SRD5A3: variants seen among roughly 807,000 people sequenced by gnomAD.
SRD5A3 encodes the protein polyprenal reductase.
SRD5A3 carries 24 observed loss-of-function variants against 34.3 expected under a neutral mutation model. That is an observed-to-expected ratio of 0.70 (90% CI 0.51 to 0.99). SRD5A3 has a LOEUF of 0.99. SRD5A3 is among the 50% of genes least tolerant of loss of function. SRD5A3 has a pLI of 0.00. For synonymous variants in SRD5A3, 161 were observed against 167.3 expected (o/e 0.96, Z 0.29); for missense variants, 350 against 388.2 (o/e 0.90, Z 0.83).
chr4:55,362,554 G>A (rs568099788), intron 2 of SRD5A3, among the ~76,000 whole-genome samples: 12 of 151,714 alleles, frequency 7.9e-5, no homozygotes, highest in African/African-American at 2.4e-4. Context: ...TCCTGGGCTC[G>A]AGCAGTCCTC....
At chr4:55,362,483 C>T (rs1263556993) in intron 2 of SRD5A3, among the ~76,000 whole-genome samples, 2 of 151,964 alleles carry the variant, frequency 1.3e-5, no homozygotes, top group African/African-American at 4.8e-5. Context: ...GAGAGAGGGT[C>T]TCACTCTGTT....
At chr4:55,357,852 A>G (rs1196243522) in intron 1 of SRD5A3, among the ~76,000 whole-genome samples, 1 of 152,216 alleles carries the variant, frequency 6.6e-6, no homozygotes, top group Non-Finnish European at 1.5e-5. Context: ...GATTACAGGC[A>G]TGCATCACCA....
intron 2 of SRD5A3, 117 bp from the exon 3 acceptor site, chr4:55,363,957 C>T (rs748559940): frequency 6.0e-5 from 64 of 1,074,748 alleles, no homozygotes; most frequent in Non-Finnish European, 8.4e-5. Context: ...TTCTTCCTTA[C>T]TACCAAAAAG....
chr4:55,360,053 A>G (rs1719619942), intron 2 of SRD5A3, among the ~76,000 whole-genome samples: 2 of 151,978 alleles, frequency 1.3e-5, no homozygotes, highest in African/African-American at 2.4e-5. Context: ...TCTACTAAAA[A>G]TACAAAAAAA....
rs75810451 is a variant in SRD5A3 at position 55,367,947 on chromosome 4, G to A, written c.697+225G>A. On this transcript the variant is annotated intron_variant, in intron 4 of 4. Transcript: ENST00000264228. ...TAGCCCTGACATTCTGTGATTCTAC[G>A]TTTTGTGTCTGATCAGCATGTGAGA... 0.024 allele frequency among the ~76,000 whole-genome samples: 3,617 copies of A among 152,196 alleles called. 125 individuals are homozygous for A. The highest frequency in any genetic ancestry group is 0.082 in the African/African-American group (3,394 of 41,508).
chr4:55,356,000 A>ATTTTTTTTTTTTTTTTTTTTTTTT (rs10648522), intron 1 of SRD5A3, among the ~76,000 whole-genome samples: 6 of 74,264 alleles, frequency 8.1e-5, no homozygotes, highest in African/African-American at 1.1e-4. Context: ...TTTTGCCTCC[A>ATTTTTTTTTTTTTTTTTTTTTTTT]TTTTTTTTTT....
Position 55,370,163 on chromosome 4 carries a change from CA to C in SRD5A3, c.*75del. On this transcript the variant is annotated 3_prime_UTR_variant, in exon 5 of 5. Coordinates refer to ENST00000264228, the MANE Select transcript of SRD5A3 (RefSeq NM_024592.5). Reference sequence around the variant, plus strand: ...CCTAAGGACAGTGAAGTCTGGAGCCCAAAGTACAGTTTCAGCAAAGCTGTTT... The same window carrying C: ...CCTAAGGACAGTGAAGTCTGGAGCCCAAGTACAGTTTCAGCAAAGCTGTTT... 20 of 1,585,470 alleles carry C rather than the reference CA, an allele frequency of 1.3e-5. No homozygotes were observed. Among genetic ancestry groups the C allele is most frequent in the Non-Finnish European group, 1.7e-5 (20 of 1,161,682 alleles).
intron 1 of SRD5A3, among the ~76,000 whole-genome samples, chr4:55,355,079 A>T (rs924373407): frequency 2.6e-5 from 4 of 152,246 alleles, no homozygotes; most frequent in Non-Finnish European, 5.9e-5. Context: ...TCCAAAACAG[A>T]ACGCAGTGAA....
At chr4:55,352,800 C>T (rs1719246864) in intron 1 of SRD5A3, among the ~76,000 whole-genome samples, 1 of 152,168 alleles carries the variant, frequency 6.6e-6, no homozygotes, top group South Asian at 2.1e-4. Context: ...GGAAGGCAGA[C>T]AGTAACATGT....
Position 55,356,000 on chromosome 4 carries a change from A to ATTTTTTTTTTT in SRD5A3, c.222-3330_222-3320dup, listed in dbSNP as rs10648522. On this transcript the variant is annotated intron_variant, in intron 1 of 4. Coordinates refer to ENST00000264228, the MANE Select transcript of SRD5A3 (RefSeq NM_024592.5). ...ATGACCAATGCTTTCTTTTGCCTCCATTTTTTTTTTTTTTTTTTTTTTTTT... is the reference window on the plus strand; with the variant it reads ...ATGACCAATGCTTTCTTTTGCCTCCATTTTTTTTTTTTTTTTTTTTTTTTTTTTTTTTTTTT... 8.5e-3 allele frequency among the ~76,000 whole-genome samples: 631 copies of ATTTTTTTTTTT among 74,300 alleles called. 92 individuals carry two copies. The highest frequency in any genetic ancestry group is 0.017 in the South Asian group (25 of 1,504). The allele number at this position is 74,300 out of a possible 152,430, so 48.7% of individuals were successfully genotyped here.
In SRD5A3 at chr4:55,367,593, A is replaced by G. The variant is rs780320318; in HGVS notation, c.568A>G (p.Ile190Val). 4.3e-6 allele frequency: 7 copies of G among 1,614,096 alleles called. No individual in the cohort carries two copies. In the Middle Eastern group the frequency reaches 4.9e-4, roughly 114 times the overall value. ...AACAATTCTCATTCCTATAGCCTAC[A>G]TAACAGGGAAAAATCTATTGATGCA... ...QVPMDGRNAY[I>V]TGKNLLMQAR... Residue 190 changes from isoleucine (I) to valine (V), a missense_variant, in exon 4 of 5, where the codon ATA becomes GTA. Physicochemically the swap from Ile to Val is conservative, Grantham distance 29 (BLOSUM62 3). This residue lies in a region of SRD5A3 where 186 missense variants were observed against 221.4 expected (regional missense o/e 0.84). Transcript: ENST00000264228.
At chr4:55,362,412 C>T (rs1719719834) in intron 2 of SRD5A3, among the ~76,000 whole-genome samples, 1 of 151,932 alleles carries the variant, frequency 6.6e-6, no homozygotes, top group South Asian at 2.1e-4. Flanking sequence ...AGGCATGAGC[C>T]ACCGCATCCA....
At chr4:55,354,487 G>A (rs1719353084) in intron 1 of SRD5A3, among the ~76,000 whole-genome samples, 1 of 152,134 alleles carries the variant, frequency 6.6e-6, no homozygotes, top group African/African-American at 2.4e-5. Flanking sequence ...AAGACCTCAT[G>A]GTCTCATTCC....
rs996777744 is a variant in SRD5A3 at position 55,359,354 on chromosome 4, C to T, written c.230C>T (p.Ser77Phe). Residue 77 changes from serine to phenylalanine, a missense_variant, in exon 2 of 5, where the codon TCC becomes TTC. Around this residue, in one of 3 missense-constraint regions of SRD5A3, gnomAD observed 159 missense variants for 149.1 expected, o/e 1.07. Coordinates refer to ENST00000264228, the MANE Select transcript of SRD5A3 (RefSeq NM_024592.5). ...RAFDVPKRYF[S>F]HFYIISVLWN... The stretch of plus-strand genomic sequence containing the variant: ...TTGTTTTCCTTTTGCAGATATTTTT[C>T]CCACTTTTATATCATCTCAGTGCTG... 1 of 1,614,064 alleles carries T rather than the reference C, an allele frequency of 6.2e-7. No individual in the cohort carries two copies. Among genetic ancestry groups the T allele is most frequent in the Non-Finnish European group, 8.5e-7 (1 of 1,180,024 alleles).
intron 3 of SRD5A3, chr4:55,364,509 G>A (rs1357125064): frequency 2.9e-5 from 15 of 519,354 alleles, no homozygotes; most frequent in African/African-American, 1.5e-4. Context: ...CCAGGAGTTC[G>A]AGACCAGCCT....
At chr4:55,352,370 C>A in intron 1 of SRD5A3, 1 of 782,966 alleles carries the variant, frequency 1.3e-6, no homozygotes, top group South Asian at 1.3e-5. Flanking sequence ...GCATTCACTT[C>A]ATGGTCGCAT....
At position 55,351,803 on chromosome 4, in the gene SRD5A3, T is replaced by G. The variant is rs1439707270; in HGVS notation, c.221+5246T>G. 1.4e-5 allele frequency: 7 copies of G among 499,740 alleles called. No homozygotes were observed. In the Admixed American group the frequency reaches 1.6e-4, roughly 11 times the overall value. The allele number at this position is 499,740 out of a possible 1,614,324, so 31.0% of individuals were successfully genotyped here. A position where few individuals can be genotyped will look rare whatever the true frequency, so the allele number is the denominator to read the frequency against. ...TGAAGAAAGGCAGAGGAACTGTGTC[T>G]TATGAGAATTAGAATCAAGGGGCTC... is the stretch of plus-strand genomic sequence containing the variant. On this transcript the variant is annotated intron_variant, in intron 1 of 4. Coordinates refer to ENST00000264228, the MANE Select transcript of SRD5A3 (RefSeq NM_024592.5).
chr4:55,356,268 TA>T (rs1165485609), intron 1 of SRD5A3, among the ~76,000 whole-genome samples: 1 of 152,036 alleles, frequency 6.6e-6, no homozygotes, highest in East Asian at 1.9e-4. Flanking sequence ...CTCAGCCTCC[TA>T]AAGTGCTGGG....
chr4:55,353,039 G>C (rs1719256778), intron 1 of SRD5A3, among the ~76,000 whole-genome samples: 1 of 152,098 alleles, frequency 6.6e-6, no homozygotes, highest in Admixed American at 6.6e-5. Context: ...GTGTGGGAGG[G>C]GGAGGCATTG....
Sources: allele counts gnomAD v4.1 joint callset (sites outside exome capture counted in the v4.1 genomes callset), GRCh38; gene constraint gnomAD v4.1.1; regional missense constraint gnomAD v4.1.1; transcripts MANE v1.5; gene names NCBI Gene and HGNC (gene_info 2026-07-23, HGNC 2026-07-21).